Variants in TFDP2 observed in about 807,000 individuals in gnomAD.
The protein encoded by TFDP2 is transcription factor Dp-2.
Under a neutral mutation model 59.3 loss-of-function variants are expected in TFDP2, and 17 were observed. The observed-to-expected ratio is 0.29, with a 90% CI of 0.20 to 0.43. The LOEUF (loss-of-function observed/expected upper bound fraction) is 0.43. TFDP2 is among the 20% of genes least tolerant of loss of function. TFDP2 has a pLI of 1.00. For synonymous variants in TFDP2, 180 were observed against 194.7 expected, an observed-to-expected ratio of 0.92 and a Z score of 0.63; for missense variants, 391 against 528.8, an observed-to-expected ratio of 0.74 and a Z score of 2.56.
intron 3 of TFDP2, among the ~76,000 whole-genome samples, chr3:142,023,128 AAAAAAAAAAAAAAAAG>A (rs1945772337): frequency 6.6e-6 from 1 of 150,718 alleles, no homozygotes; most frequent in South Asian, 2.1e-4. Flanking sequence ...GTCTCAAAAA[AAAAAAAAAAAAAAAAG>A]AAAAAGAAAA....
rs988237574 is a variant in TFDP2, at chr3:142,005,368, T to C, written c.186+73A>G. 2.4e-6 allele frequency: 3 copies of C among 1,244,570 alleles called. No individual in the cohort carries two copies. The African/African-American group carries it at 4.5e-5, about 19-fold the overall frequency. The allele number at this position is 1,244,570 out of a possible 1,614,324, so 77.1% of individuals were successfully genotyped here. On this transcript the variant is annotated intron_variant, in intron 4 of 12. Transcript: ENST00000489671. ...TAACTGGAATATCTGATCAAATATA[T>C]TTAATGCAATTATTCTTTAAATTAG... is the stretch of plus-strand genomic sequence containing the variant.
At chr3:141,990,331 G>A (rs62283133) in intron 6 of TFDP2, among the ~76,000 whole-genome samples, 4,173 of 152,080 alleles carry the variant, frequency 0.027, 89 homozygotes, top group Non-Finnish European at 0.039. Context: ...ATGGAGTGCA[G>A]TGGTGTGATC....
At chr3:142,024,887 G>T (rs1287862664) in intron 3 of TFDP2, among the ~76,000 whole-genome samples, 1 of 152,080 alleles carries the variant, frequency 6.6e-6, no homozygotes, top group Non-Finnish European at 1.5e-5. Flanking sequence ...GGGTTTGGTG[G>T]CGGGCGCCTG....
At chr3:142,010,500 T>C (rs561976378) in intron 3 of TFDP2, among the ~76,000 whole-genome samples, 2 of 151,272 alleles carry the variant, frequency 1.3e-5, no homozygotes, top group East Asian at 3.9e-4. Flanking sequence ...TCCCAGCTAC[T>C]TGGGGGGCTG....
chr3:141,952,545 C>A lies in TFDP2; in HGVS notation c.1309G>T (p.Asp437Tyr). 1.3e-6 allele frequency: 2 copies of A among 1,556,282 alleles called. No homozygotes were observed. Among genetic ancestry groups the A allele is most frequent in the Non-Finnish European group, 1.7e-6 (2 of 1,160,868 alleles). Residue 437 changes from aspartate (D) to tyrosine (Y), a missense_variant, in exon 13 of 13, where the codon GAT becomes TAT. Asp to Tyr is a radical substitution (Grantham distance 160). This residue lies in a region of TFDP2 where 223 missense variants were observed against 292.5 expected (regional missense o/e 0.76). Coordinates refer to ENST00000489671, the MANE Select transcript of TFDP2 (RefSeq NM_001178139.2). ...PCSFNDEDEEDDEEDSSSPE is the reference protein window; with the variant it reads ...PCSFNDEDEEYDEEDSSSPE Reference sequence around the variant, plus strand: ...GGGGAGGAGGAATCCTCCTCATCATCTTCCTCATCTTCATCATTGAACGAA... The same window carrying A: ...GGGGAGGAGGAATCCTCCTCATCATATTCCTCATCTTCATCATTGAACGAA...
intron 4 of TFDP2, 125 bp downstream of exon 4, chr3:142,005,316 G>A (rs991144077): frequency 1.4e-5 from 10 of 710,880 alleles, no homozygotes. Flanking sequence ...TGGGATTACA[G>A]GAGTGAGCCA....
chr3:142,103,829 C>T (rs1345310379), intron 1 of TFDP2, among the ~76,000 whole-genome samples: 4 of 151,760 alleles, frequency 2.6e-5, no homozygotes, highest in Non-Finnish European at 4.4e-5. Context: ...CTTCAAATGG[C>T]TGCCTTATAT....
chr3:141,959,609 G>A (rs1163467220), intron 11 of TFDP2, 65 bp downstream of exon 11: 2 of 1,556,460 alleles, frequency 1.3e-6, no homozygotes, highest in East Asian at 4.5e-5. Context: ...CTATAAGAAA[G>A]GTTTTAACAA....
At chr3:142,028,114 C>A (rs1250040344) in intron 3 of TFDP2, among the ~76,000 whole-genome samples, 4 of 152,078 alleles carry the variant, frequency 2.6e-5, no homozygotes, top group African/African-American at 9.7e-5. Flanking sequence ...TTCCAAGGAT[C>A]CTTGGGAAGT....
At chr3:141,959,252 G>A (rs1004721834) in intron 11 of TFDP2, among the ~76,000 whole-genome samples, 10 of 152,066 alleles carry the variant, frequency 6.6e-5, no homozygotes, top group South Asian at 4.1e-4. Context: ...TGCAGCGCCC[G>A]GCCAGGATGT....
chr3:142,014,726 A>T (rs1944992606), intron 3 of TFDP2, among the ~76,000 whole-genome samples: 1 of 152,124 alleles, frequency 6.6e-6, no homozygotes, highest in South Asian at 2.1e-4. Context: ...GTCCCTTTTA[A>T]GTCAGTCTCC....
At chr3:142,138,352 T>G (rs2062813833) in intron 1 of TFDP2, among the ~76,000 whole-genome samples, 1 of 152,220 alleles carries the variant, frequency 6.6e-6, no homozygotes, top group South Asian at 2.1e-4. Flanking sequence ...TTGAAGAGTT[T>G]TTTGTGTCTC....
At chr3:142,103,939 T>C (rs1487959979) in intron 1 of TFDP2, among the ~76,000 whole-genome samples, 66 of 152,174 alleles carry the variant, frequency 4.3e-4, no homozygotes, top group Non-Finnish European at 2.4e-4. Flanking sequence ...GTTACATAGG[T>C]ATACATAGGT....
At chr3:142,075,777 C>T (rs1037537800) in intron 3 of TFDP2, among the ~76,000 whole-genome samples, 1 of 146,220 alleles carries the variant, frequency 6.8e-6, no homozygotes, top group Non-Finnish European at 1.5e-5. Context: ...TGTGGTGGTG[C>T]ATATCTGTAG....
chr3:141,977,978 G>C (rs890945279), intron 7 of TFDP2, among the ~76,000 whole-genome samples: 3 of 151,236 alleles, frequency 2.0e-5, no homozygotes, highest in Non-Finnish European at 4.4e-5. Flanking sequence ...CCAAAGTGCT[G>C]GGATTACAGG....
chr3:141,998,763 GGTTTCTCTGACAATAGAATTA>G (rs2108224199), intron 4 of TFDP2, among the ~76,000 whole-genome samples: 1 of 152,144 alleles, frequency 6.6e-6, no homozygotes, highest in African/African-American at 2.4e-5. Flanking sequence ...GTTATCATGT[GGTTTCTCTGACAATAGAATTA>G]GTTACTCTGG....
chr3:142,140,278 T>A (rs1487717134), intron 1 of TFDP2, among the ~76,000 whole-genome samples: 3 of 152,102 alleles, frequency 2.0e-5, no homozygotes, highest in Non-Finnish European at 4.4e-5. Context: ...TTTTTCAAGG[T>A]TTTTAGCTTC....
At chr3:141,973,938 T>C (rs1576529290) in intron 8 of TFDP2, 110 bp downstream of exon 8, 1 of 1,247,794 alleles carries the variant, frequency 8.0e-7, no homozygotes, top group Non-Finnish European at 1.1e-6. Flanking sequence ...AATGACATGG[T>C]ATACATGAAA....
intron 3 of TFDP2, among the ~76,000 whole-genome samples, chr3:142,067,369 A>C (rs1188095001): frequency 2.6e-5 from 4 of 151,910 alleles, no homozygotes; most frequent in Admixed American, 6.6e-5. Context: ...GACCATTTAC[A>C]TTAGCACCAA....
Sources: gnomAD v4.1 joint callset for allele counts (sites outside exome capture counted in the v4.1 genomes callset) on GRCh38, gnomAD v4.1.1 for gene constraint, gnomAD v4.1.1 regional missense constraint, MANE v1.5 for transcripts, NCBI Gene and HGNC (gene_info 2026-07-23, HGNC 2026-07-21) for gene names.